ISCA1: variants seen among roughly 807,000 people sequenced by gnomAD.
ISCA1 encodes the protein iron-sulfur cluster assembly 1 homolog, mitochondrial.
ISCA1 carries 9 observed loss-of-function variants against 14.7 expected under a neutral mutation model. The observed-to-expected ratio is 0.61, with a 90% confidence interval of 0.37 to 1.07. ISCA1 has a LOEUF of 1.07. ISCA1 is among the 50% of genes least tolerant of loss of function. ISCA1 has a pLI of 0.01. For missense variants in ISCA1, 102 were observed against 150.1 expected (o/e 0.68, Z 1.67); for synonymous variants, 38 against 54.3 (o/e 0.70, Z 1.32).
intron 1 of ISCA1, among the ~76,000 whole-genome samples, chr9:86,280,789 A>G (rs968442080): frequency 2.0e-5 from 3 of 151,972 alleles, no homozygotes; most frequent in Non-Finnish European, 4.4e-5. Flanking sequence ...AGGTGCATGC[A>G]TGACGGTGCA....
chr9:86,281,350 TAATAG>T (rs1825514130), intron 1 of ISCA1, among the ~76,000 whole-genome samples: 1 of 152,262 alleles, frequency 6.6e-6, no homozygotes, highest in Non-Finnish European at 1.5e-5. Context: ...TATTTTCTGG[TAATAG>T]GCCCTTTTGG....
At position 86,272,145 on chromosome 9, in the gene ISCA1, T is replaced by TA. The variant is rs200021348; in HGVS notation, c.136-34dup. On this transcript the variant is annotated intron_variant, in intron 2 of 3. Transcript: ENST00000375991. ...AGAAGTGAAAATATAAACTTGGTTT[T>TA]AAAGTAGTACAGATTAAACAATTAT... 5.0e-4 allele frequency: 641 copies of TA among 1,287,108 alleles called. 7 individuals are homozygous for TA. In the East Asian group the frequency reaches 9.3e-3, roughly 19 times the overall value. 79.7% of individuals were successfully genotyped at this position (1,287,108 alleles called of 1,614,324 possible). A position where few individuals can be genotyped will look rare whatever the true frequency, so the allele number is the denominator to read the frequency against.
At chr9:86,272,617 C>T (rs981726381) in intron 2 of ISCA1, among the ~76,000 whole-genome samples, 1 of 152,212 alleles carries the variant, frequency 6.6e-6, no homozygotes, top group African/African-American at 2.4e-5. Flanking sequence ...CAAACAGTAT[C>T]TACCTAAGTT....
At chr9:86,275,922 T>C (rs559716375) in intron 1 of ISCA1, among the ~76,000 whole-genome samples, 95 of 152,314 alleles carry the variant, frequency 6.2e-4, no homozygotes, top group African/African-American at 2.2e-3. Context: ...CTCATTACCC[T>C]TCTAAAGCAG....
intron 1 of ISCA1, among the ~76,000 whole-genome samples, chr9:86,278,888 G>C (rs1181483970): frequency 1.3e-5 from 2 of 152,050 alleles, no homozygotes; most frequent in Non-Finnish European, 2.9e-5. Flanking sequence ...CACAGCATAA[G>C]TCAAAGAATG....
chr9:86,268,170 G>C (rs1564008381), intron 3 of ISCA1, among the ~76,000 whole-genome samples: 1 of 151,996 alleles, frequency 6.6e-6, no homozygotes, highest in Non-Finnish European at 1.5e-5. Flanking sequence ...GTATCCAGAA[G>C]AAGGCATCAT....
chr9:86,280,628 A>G (rs1399745336), intron 1 of ISCA1, among the ~76,000 whole-genome samples: 2 of 149,598 alleles, frequency 1.3e-5, no homozygotes, highest in Non-Finnish European at 3.0e-5. Context: ...ATTCTGAAGG[A>G]AGAGGTAACA....
At chr9:86,268,374 G>A (rs1303532118) in intron 3 of ISCA1, among the ~76,000 whole-genome samples, 4 of 139,838 alleles carry the variant, frequency 2.9e-5, no homozygotes, top group Non-Finnish European at 6.1e-5. Flanking sequence ...AAAGCTTATA[G>A]AATAAGAACG....
intron 3 of ISCA1, among the ~76,000 whole-genome samples, chr9:86,269,309 G>C (rs549091819): frequency 6.6e-6 from 1 of 152,128 alleles, no homozygotes; most frequent in African/African-American, 2.4e-5. Flanking sequence ...GACAAACAGA[G>C]AGTCAAATCA....
At chr9:86,273,242 C>T (rs373766167) in intron 2 of ISCA1, among the ~76,000 whole-genome samples, 3 of 152,306 alleles carry the variant, frequency 2.0e-5, no homozygotes, top group African/African-American at 4.8e-5. Flanking sequence ...ATATTGCAAT[C>T]CATTACTTGA....
At chr9:86,272,737 A>G (rs553114722) in intron 2 of ISCA1, among the ~76,000 whole-genome samples, 32 of 152,340 alleles carry the variant, frequency 2.1e-4, no homozygotes, top group Non-Finnish European at 4.0e-4. Context: ...CAGATACTCA[A>G]GTCCCTTATG....
chr9:86,273,742 T>C (rs891442819), intron 2 of ISCA1, among the ~76,000 whole-genome samples: 1 of 152,198 alleles, frequency 6.6e-6, no homozygotes, highest in African/African-American at 2.4e-5. Flanking sequence ...GTACTCACCA[T>C]ACTTTTACTC....
Position 86,278,671 on chromosome 9 carries a change from A to G in ISCA1, c.81+3707T>C, listed in dbSNP as rs555998647. 1.4e-4 allele frequency among the ~76,000 whole-genome samples: 22 copies of G among 152,296 alleles called. No homozygotes were observed. The South Asian group carries it at 1.9e-3, about 13-fold the overall frequency. Reference sequence around the variant, plus strand: ...GGTGACAGAGGAAGATCCTGTCTCTAAAAAGAAAAAGGTTTGTAATCATGG... The same window carrying G: ...GGTGACAGAGGAAGATCCTGTCTCTGAAAAGAAAAAGGTTTGTAATCATGG... On this transcript the variant is annotated intron_variant, in intron 1 of 3. Coordinates refer to ENST00000375991, the MANE Select transcript of ISCA1 (RefSeq NM_030940.4).
In ISCA1 at chr9:86,276,870, C is replaced by CAAAAAAAAAAA. The variant is rs35460722; in HGVS notation, c.82-2639_82-2629dup. On this transcript the variant is annotated intron_variant, in intron 1 of 3. Transcript: ENST00000375991. ...TGGGAAACAGAGTGAGACTCTGTCT[C>CAAAAAAAAAAA]AAAAAAAAAAAAAAAAAAAAAAAAA... 1.0e-4 allele frequency among the ~76,000 whole-genome samples: 4 copies of CAAAAAAAAAAA among 39,910 alleles called. 2 individuals carry two copies. The highest frequency in any genetic ancestry group is 8.7e-5 in the Non-Finnish European group (2 of 22,976). 26.2% of individuals were successfully genotyped at this position (39,910 alleles called of 152,430 possible).
chr9:86,281,000 T>C (rs1439455129), intron 1 of ISCA1, among the ~76,000 whole-genome samples: 1 of 151,320 alleles, frequency 6.6e-6, no homozygotes, highest in African/African-American at 2.4e-5. Context: ...ATAGGGTTGC[T>C]AAAAAGCAAA....
chr9:86,272,980 C>T (rs1825390461), intron 2 of ISCA1, among the ~76,000 whole-genome samples: 1 of 152,124 alleles, frequency 6.6e-6, no homozygotes, highest in African/African-American at 2.4e-5. Context: ...CCCACAGATA[C>T]GGAGAGGTGA....
chr9:86,282,355 C>G, intron 1 of ISCA1, 23 bp downstream of exon 1: 2 of 1,537,706 alleles, frequency 1.3e-6, no homozygotes, highest in Non-Finnish European at 8.8e-7. Context: ...TCACGGGCCC[C>G]GCCGCGCGCC....
chr9:86,282,459 C>A lies in ISCA1; in HGVS notation c.-1G>T, dbSNP rs1274999104. 1.6e-5 allele frequency: 25 copies of A among 1,552,270 alleles called. No homozygotes were observed. The highest frequency in any genetic ancestry group is 2.0e-5 in the Non-Finnish European group (23 of 1,147,978). ...TTGCCCGGACTAAGGAAGCCGACATCTTCGCCGTCCCGGCGCCCCGGTGCC... is the reference window on the plus strand; with the variant it reads ...TTGCCCGGACTAAGGAAGCCGACATATTCGCCGTCCCGGCGCCCCGGTGCC... On this transcript the variant is annotated 5_prime_UTR_variant, in exon 1 of 4. Coordinates refer to ENST00000375991, the MANE Select transcript of ISCA1 (RefSeq NM_030940.4).
rs1825415915 is a variant in ISCA1, at chr9:86,274,368, AC to A, written c.82-127del. On this transcript the variant is annotated intron_variant, in intron 1 of 3. Transcript: ENST00000375991. ...ATTTATGTTCCATTCTTGCCAGGGT[AC>A]CTTATGGACTTTATATAGAAACACA... The A allele has an allele frequency of 1.6e-5, 10 of 644,138 alleles. No homozygotes were observed. In the South Asian group the frequency reaches 1.9e-4, roughly 12 times the overall value. 39.9% of individuals were successfully genotyped at this position (644,138 alleles called of 1,614,324 possible). A position where few individuals can be genotyped will look rare whatever the true frequency, so the allele number is the denominator to read the frequency against.
Sources: allele counts gnomAD v4.1 joint callset (sites outside exome capture counted in the v4.1 genomes callset), GRCh38; gene constraint gnomAD v4.1.1; transcripts MANE v1.5; gene names NCBI Gene and HGNC (gene_info 2026-07-23, HGNC 2026-07-21).